EPM2A: variants seen among roughly 807,000 people sequenced by gnomAD.
EPM2A encodes the protein laforin.
EPM2A carries 21 observed loss-of-function variants against 26.5 expected under a neutral mutation model. The ratio of observed to expected loss-of-function variants is 0.79; its 90% CI spans 0.56 to 1.14. EPM2A has a LOEUF of 1.14. EPM2A is among the 50% of genes most tolerant of loss of function. The pLI is 0.00. For synonymous variants in EPM2A, 217 were observed against 177.6 expected (o/e 1.22, Z -1.76); for missense variants, 458 against 440.8 (o/e 1.04, Z -0.35).
chr6:145,393,141 T>C (rs1176405383), intron 4 of EPM2A, among the ~76,000 whole-genome samples: 1 of 152,134 alleles, frequency 6.6e-6, no homozygotes, highest in Non-Finnish European at 1.5e-5. Flanking sequence ...TAAGCCATGA[T>C]TCTGGCTGGA....
At chr6:145,728,788 A>G (rs908309800) in intron 1 of EPM2A, among the ~76,000 whole-genome samples, 1 of 152,222 alleles carries the variant, frequency 6.6e-6, no homozygotes, top group Admixed American at 6.5e-5. Flanking sequence ...AGAAACTTGC[A>G]TAAGTAAAGA....
At chr6:145,724,450 C>T (rs1027540198) in intron 1 of EPM2A, among the ~76,000 whole-genome samples, 5 of 152,042 alleles carry the variant, frequency 3.3e-5, no homozygotes, top group Non-Finnish European at 7.4e-5. Flanking sequence ...CTTCTGAACT[C>T]GATCTATAGC....
chr6:145,505,153 C>T (rs1465225922), intron 2 of EPM2A, among the ~76,000 whole-genome samples: 6 of 145,344 alleles, frequency 4.1e-5, no homozygotes, highest in Non-Finnish European at 7.5e-5. Flanking sequence ...CTAGATGACG[C>T]GTTAGTGGGT....
At chr6:145,451,441 G>C (rs1006618055) in intron 4 of EPM2A, among the ~76,000 whole-genome samples, 1 of 152,188 alleles carries the variant, frequency 6.6e-6, no homozygotes, top group Non-Finnish European at 1.5e-5. Flanking sequence ...AACACTTCTT[G>C]AGTTTTGATG....
At chr6:145,703,229 C>G (rs557045138) in intron 1 of EPM2A, among the ~76,000 whole-genome samples, 1 of 151,694 alleles carries the variant, frequency 6.6e-6, no homozygotes, top group African/African-American at 2.4e-5. Context: ...GTAGCTGGAA[C>G]TACAGGCGTC....
chr6:145,578,727 T>C (rs1485374059), intron 2 of EPM2A, among the ~76,000 whole-genome samples: 1 of 152,154 alleles, frequency 6.6e-6, no homozygotes, highest in Non-Finnish European at 1.5e-5. Flanking sequence ...CATAATAAAC[T>C]GTATATATTG....
At chr6:145,433,444 T>C (rs552596016) in intron 4 of EPM2A, among the ~76,000 whole-genome samples, 2 of 152,324 alleles carry the variant, frequency 1.3e-5, no homozygotes, top group East Asian at 3.9e-4. Context: ...TTATTCTGTA[T>C]ACTCCTTTCA....
intron 2 of EPM2A, among the ~76,000 whole-genome samples, chr6:145,560,521 CA>C (rs1780789714): frequency 6.6e-6 from 1 of 151,948 alleles, no homozygotes; most frequent in Admixed American, 6.6e-5. Flanking sequence ...ACTTATTTAC[CA>C]AAATAGGTGA....
chr6:145,584,258 T>C (rs1218266939), intron 2 of EPM2A, among the ~76,000 whole-genome samples: 1 of 152,042 alleles, frequency 6.6e-6, no homozygotes, highest in Non-Finnish European at 1.5e-5. Flanking sequence ...TCTCTGATGG[T>C]TAGGTGTGGT....
At chr6:145,619,442 T>C (rs941572931) in intron 2 of EPM2A, among the ~76,000 whole-genome samples, 1 of 152,150 alleles carries the variant, frequency 6.6e-6, no homozygotes, top group Non-Finnish European at 1.5e-5. Flanking sequence ...ATAAGATAGC[T>C]CAGGATGATA....
chr6:145,496,399 T>G (rs144209493), intron 4 of EPM2A, among the ~76,000 whole-genome samples: 1 of 152,224 alleles, frequency 6.6e-6, no homozygotes, highest in Non-Finnish European at 1.5e-5. Flanking sequence ...GGAGTTCTTA[T>G]GGATGACATC....
chr6:145,657,065 A>G (rs1013711270), intron 2 of EPM2A, among the ~76,000 whole-genome samples: 1 of 151,196 alleles, frequency 6.6e-6, no homozygotes, highest in Non-Finnish European at 1.5e-5. Flanking sequence ...TATAATAAGG[A>G]AAAAAATAAG....
chr6:145,590,449 A>C (rs1781257661), intron 2 of EPM2A, among the ~76,000 whole-genome samples: 1 of 131,758 alleles, frequency 7.6e-6, no homozygotes, highest in Non-Finnish European at 1.7e-5. Flanking sequence ...AAATAAAAAA[A>C]AAGAAAATTG....
intron 1 of EPM2A, among the ~76,000 whole-genome samples, chr6:145,712,015 G>C (rs1301439485): frequency 6.6e-6 from 1 of 152,136 alleles, no homozygotes. Context: ...AGAGCAACAT[G>C]AATTCTGCTT....
At chr6:145,610,540 A>G (rs1331165503) in intron 2 of EPM2A, among the ~76,000 whole-genome samples, 2 of 152,246 alleles carry the variant, frequency 1.3e-5, no homozygotes, top group Non-Finnish European at 2.9e-5. Flanking sequence ...CCACAATTAC[A>G]TCCACTTAAC....
chr6:145,469,527 A>C (rs964729199), intron 4 of EPM2A, among the ~76,000 whole-genome samples: 2 of 152,180 alleles, frequency 1.3e-5, no homozygotes, highest in African/African-American at 4.8e-5. Flanking sequence ...GGAATAACAA[A>C]TGCTGGCAAA....
intron 4 of EPM2A, chr6:145,489,931 T>C: frequency 7.4e-7 from 1 of 1,359,836 alleles, no homozygotes. Context: ...CACTTCTAGA[T>C]AACTTATTTG....
chr6:145,566,791 G>A (rs971481879), intron 2 of EPM2A, among the ~76,000 whole-genome samples: 1 of 152,172 alleles, frequency 6.6e-6, no homozygotes, highest in African/African-American at 2.4e-5. Flanking sequence ...ACTCTGTGGT[G>A]TTTTAGATTA....
chr6:145,723,358 G>A (rs895429306), intron 1 of EPM2A, among the ~76,000 whole-genome samples: 11 of 151,756 alleles, frequency 7.2e-5, no homozygotes, highest in Admixed American at 6.0e-4. Flanking sequence ...TCAGCATGAA[G>A]GAAGAGAGTT....
Sources: gnomAD v4.1 joint callset for allele counts (sites outside exome capture counted in the v4.1 genomes callset) on GRCh38, gnomAD v4.1.1 for gene constraint, MANE v1.5 for transcripts, NCBI Gene and HGNC (gene_info 2026-07-23, HGNC 2026-07-21) for gene names.